The following GIMAP6 variants were observed in gnomAD, a reference collection of about 807,000 sequenced individuals.
GIMAP6 encodes the protein GTPase IMAP family member 6.
GIMAP6 carries 6 observed loss-of-function variants against 9.3 expected under a neutral mutation model. The observed-to-expected ratio is 0.65, with a 90% CI of 0.35 to 1.27. The LOEUF (loss-of-function observed/expected upper bound fraction) is 1.27, where lower values mean the gene tolerates loss of function less well. Among genes scored for constraint, GIMAP6 ranks in the 50% most tolerant of loss-of-function variants. The pLI is 0.03. For missense variants in GIMAP6, 333 were observed against 359.5 expected (o/e 0.93, Z 0.60); for synonymous variants, 156 against 151.1 (o/e 1.03, Z -0.24).
At chr7:150,628,776 G>C (rs1796345072) in intron 2 of GIMAP6, 3 of 1,423,152 alleles carry the variant, frequency 2.1e-6, no homozygotes, top group African/African-American at 1.4e-5. Flanking sequence ...CCAATACCAA[G>C]GTTTTTAGAT....
intron 1 of GIMAP6, 29 bp from the exon 2 acceptor site, chr7:150,630,171 A>T (rs201781280): frequency 2.2e-6 from 3 of 1,378,828 alleles, no homozygotes; most frequent in Admixed American, 4.5e-5. Flanking sequence ...AAAAAAAATC[A>T]TATGTTCTAC....
chr7:150,631,319 G>T (rs1278485964), intron 1 of GIMAP6, among the ~76,000 whole-genome samples: 11 of 152,168 alleles, frequency 7.2e-5, no homozygotes, highest in Non-Finnish European at 1.0e-4. Context: ...AGTCCAGGAA[G>T]GTCTGTTGAC....
chr7:150,630,111 T>C lies in GIMAP6; in HGVS notation c.32A>G (p.Gln11Arg). Residue 11 changes from glutamine to arginine, a missense_variant, in exon 2 of 3, where the codon CAG becomes CGG. By Grantham distance (43) the Gln-to-Arg change is conservative (BLOSUM62 1). Transcript: ENST00000328902. The part of the protein sequence containing the change: MEEEEYEQIP[Q>R]ENPPEELSQD... ...GGACAGCTCTTCTGGGGGATTCTCC[T>C]GGGGAATTTGTTCATATTCTTCTTC... 1 of 1,542,652 alleles carries C rather than the reference T, an allele frequency of 6.5e-7. No homozygotes were observed. The highest frequency in any genetic ancestry group is 1.5e-5 in the African/African-American group (1 of 67,042).
Position 150,627,852 on chromosome 7 carries a change from T to C in GIMAP6, c.746A>G (p.Gln249Arg), listed in dbSNP as rs1796321151. ...TQQNFRLKEL[Q>R]ERQVSQGQGS... ...TTGGCCCTGGCTTACTTGCCTTTCC[T>C]GTAGTTCTTTCAGCCGAAAGTTTTG... The change falls in exon 3 of 3, where the codon CAG (glutamine) becomes CGG (arginine). Residue 249 changes from glutamine (Q) to arginine (R), a missense_variant. Physicochemically the swap from Gln to Arg is conservative, Grantham distance 43. Coordinates refer to ENST00000328902, the MANE Select transcript of GIMAP6 (RefSeq NM_024711.6). The C allele has an allele frequency of 1.2e-5, 20 of 1,614,282 alleles. No homozygotes were observed. Among genetic ancestry groups the C allele is most frequent in the Non-Finnish European group, 1.6e-5 (19 of 1,180,040 alleles).
chr7:150,630,212 T>C, intron 1 of GIMAP6, 70 bp from the exon 2 acceptor site: 2 of 1,275,454 alleles, frequency 1.6e-6, no homozygotes, highest in Non-Finnish European at 2.2e-6. Context: ...AACAGCCACC[T>C]GCCTTTCGCC....
At chr7:150,630,956 C>T (rs1419839478) in intron 1 of GIMAP6, among the ~76,000 whole-genome samples, 3 of 152,198 alleles carry the variant, frequency 2.0e-5, no homozygotes, top group Non-Finnish European at 2.9e-5. Flanking sequence ...TGTGTCCTGG[C>T]TTCATAGACT....
chr7:150,629,531 G>A (rs1363841214), intron 2 of GIMAP6, among the ~76,000 whole-genome samples: 1 of 152,144 alleles, frequency 6.6e-6, no homozygotes, highest in Non-Finnish European at 1.5e-5. Flanking sequence ...AAAGTTAAGC[G>A]CCTGACCCTG....
At chr7:150,630,542 T>C (rs779091618) in intron 1 of GIMAP6, among the ~76,000 whole-genome samples, 32 of 152,196 alleles carry the variant, frequency 2.1e-4, no homozygotes, top group Middle Eastern at 3.4e-3. Context: ...GAAGCAGGTG[T>C]GATTCTGATC....
rs1796322824 is a variant in GIMAP6 at position 150,627,936 on chromosome 7, G to T, written c.662C>A (p.Ala221Asp). 2 of 1,614,220 alleles carry T rather than the reference G, an allele frequency of 1.2e-6. No individual in the cohort carries two copies. The highest frequency in any genetic ancestry group is 1.7e-6 in the Non-Finnish European group (2 of 1,180,036). The change falls in exon 3 of 3, where the codon GCC becomes GAC. Residue 221 changes from alanine (A) to aspartate (D), a missense_variant. Transcript: ENST00000328902. The stretch of plus-strand genomic sequence containing the variant: ...ATCTCCTTCGTTTTCCCACATAATG[G>T]CTTCAACTTTCTCCATGAGCTCTCG... ...QLRELMEKVEAIMWENEGDYY... is the reference protein window; with the variant it reads ...QLRELMEKVEDIMWENEGDYY...
In GIMAP6 at chr7:150,628,006, C is replaced by T. The variant is rs752336307; in HGVS notation, c.592G>A (p.Gly198Ser). The change falls in exon 3 of 3, where the codon GGC (glycine) becomes AGC (serine). Residue 198 changes from glycine (G) to serine (S), a missense_variant. Coordinates refer to ENST00000328902, the MANE Select transcript of GIMAP6 (RefSeq NM_024711.6). ...LDVTLARRHC[G>S]FNNRAQGEEQ... ...TCCCCCTGTGCCCTGTTGTTGAAGCCGCAATGGCGCCGTGCAAGGGTCACA... is the reference window on the plus strand; with the variant it reads ...TCCCCCTGTGCCCTGTTGTTGAAGCTGCAATGGCGCCGTGCAAGGGTCACA... 29 of 1,614,132 alleles carry T rather than the reference C, an allele frequency of 1.8e-5. No individual in the cohort carries two copies. Among genetic ancestry groups the T allele is most frequent in the South Asian group, 1.5e-4 (14 of 91,096 alleles).
Position 150,628,178 on chromosome 7 carries a change from C to T in GIMAP6, c.420G>A (p.Gln140=). The change falls in exon 3 of 3, where the codon CAG becomes CAA. Residue 140 remains glutamine (Q), a synonymous_variant. Coordinates refer to ENST00000328902, the MANE Select transcript of GIMAP6 (RefSeq NM_024711.6). ...CCTCCTGCAGGCGCCTGACCACCTG[C>T]TGATCCTCATCCGTGAACCGGCCCA... is the stretch of plus-strand genomic sequence containing the variant. ...TQLGRFTDED[Q]QVVRRLQEVF... 6.2e-7 allele frequency: 1 copy of T among 1,614,242 alleles called. No individual in the cohort carries two copies. The highest frequency in any genetic ancestry group is 1.1e-5 in the South Asian group (1 of 91,090).
rs1446923190 is a variant in GIMAP6 at position 150,626,556 on chromosome 7, C to G, written c.*1163G>C. 6.6e-6 allele frequency: 1 copy of G among 152,186 alleles called. No homozygotes were observed. The highest frequency in any genetic ancestry group is 6.5e-5 in the Admixed American group (1 of 15,274). 9.4% of individuals were successfully genotyped at this position (152,186 alleles called of 1,614,324 possible). ...CTGTCCAGTATCAGTACTTATAAAC[C>G]CCGTCTGTAGGAACAGCCTTCCAGG... is the stretch of plus-strand genomic sequence containing the variant. On this transcript the variant is annotated 3_prime_UTR_variant, in exon 3 of 3. Coordinates refer to ENST00000328902, the MANE Select transcript of GIMAP6 (RefSeq NM_024711.6).
chr7:150,628,232 C>T lies in GIMAP6; in HGVS notation c.366G>A (p.Gly122=), dbSNP rs771502406. ...GTGTCACCAGGAGCACGGCGTGGGGCCCTGGGGCGGATAAGACGATGGCTT... is the reference window on the plus strand; with the variant it reads ...GTGTCACCAGGAGCACGGCGTGGGGTCCTGGGGCGGATAAGACGATGGCTT... ...ICQAIVLSAP[G]PHAVLLVTQL... is the part of the protein sequence containing the mutation. The change falls in exon 3 of 3, where the codon GGG becomes GGA. Residue 122 remains glycine, a synonymous_variant. Transcript: ENST00000328902. 6.2e-6 allele frequency: 10 copies of T among 1,614,002 alleles called. No homozygotes were observed. Among genetic ancestry groups the T allele is most frequent in the Non-Finnish European group, 7.6e-6 (9 of 1,179,988 alleles).
intron 1 of GIMAP6, among the ~76,000 whole-genome samples, chr7:150,631,621 G>A (rs752767082): frequency 1.3e-5 from 2 of 152,190 alleles, no homozygotes; most frequent in Non-Finnish European, 2.9e-5. Flanking sequence ...CTGTGCCTTC[G>A]CAGGGTTCGG....
intron 2 of GIMAP6, among the ~76,000 whole-genome samples, chr7:150,629,265 T>A (rs1206286819): frequency 6.6e-6 from 1 of 152,216 alleles, no homozygotes; most frequent in Non-Finnish European, 1.5e-5. Context: ...AGAGGATTCT[T>A]AAAAGAATAG....
chr7:150,626,685 C>T lies in GIMAP6; in HGVS notation c.*1034G>A, dbSNP rs972383085. Reference sequence around the variant, plus strand: ...CTTTGCAGGCCCCCTTTCTTCCCTGCCTCCTTGCATTGGACCCCCACAAAT... The same window carrying T: ...CTTTGCAGGCCCCCTTTCTTCCCTGTCTCCTTGCATTGGACCCCCACAAAT... On this transcript the variant is annotated 3_prime_UTR_variant, in exon 3 of 3. Coordinates refer to ENST00000328902, the MANE Select transcript of GIMAP6 (RefSeq NM_024711.6). 1.3e-5 allele frequency: 2 copies of T among 152,392 alleles called. No individual in the cohort carries two copies. Among genetic ancestry groups the T allele is most frequent in the Non-Finnish European group, 2.9e-5 (2 of 68,184 alleles). 9.4% of individuals were successfully genotyped at this position (152,392 alleles called of 1,614,324 possible). A position where few individuals can be genotyped will look rare whatever the true frequency, so the allele number is the denominator to read the frequency against.
chr7:150,627,377 T>C lies in GIMAP6; in HGVS notation c.*342A>G, dbSNP rs910972225. The C allele has an allele frequency of 1.7e-5, 6 of 348,580 alleles. No individual in the cohort carries two copies. Among genetic ancestry groups the C allele is most frequent in the Non-Finnish European group, 3.2e-5 (6 of 185,430 alleles). The allele number at this position is 348,580 out of a possible 1,614,324, so 21.6% of individuals were successfully genotyped here. A position where few individuals can be genotyped will look rare whatever the true frequency, so the allele number is the denominator to read the frequency against. On this transcript the variant is annotated 3_prime_UTR_variant, in exon 3 of 3. Transcript: ENST00000328902. Reference sequence around the variant, plus strand: ...AAAAGCTGTGGAAGTTACACAGAAGTAAAAGATACAGGCCTGCCCTCAAGA... The same window carrying C: ...AAAAGCTGTGGAAGTTACACAGAAGCAAAAGATACAGGCCTGCCCTCAAGA...
At chr7:150,629,935 G>A (rs761698232) in intron 2 of GIMAP6, 123 bp downstream of exon 2, 3 of 715,500 alleles carry the variant, frequency 4.2e-6, no homozygotes, top group Non-Finnish European at 7.1e-6. Flanking sequence ...GGTGGCTGAG[G>A]CGGGTAAATT....
intron 1 of GIMAP6, among the ~76,000 whole-genome samples, chr7:150,631,250 G>A (rs571551782): frequency 1.4e-3 from 208 of 152,282 alleles, no homozygotes; most frequent in African/African-American, 4.6e-3. Flanking sequence ...GTATATATGC[G>A]GATATTGCTT....
Sources: allele counts gnomAD v4.1 joint callset (sites outside exome capture counted in the v4.1 genomes callset), GRCh38; gene constraint gnomAD v4.1.1; transcripts MANE v1.5; gene names NCBI Gene and HGNC (gene_info 2026-07-23, HGNC 2026-07-21).